The following ITPR1 variants were observed in gnomAD, a reference collection of about 807,000 sequenced individuals.
ITPR1 encodes inositol 1,4,5-trisphosphate receptor type 1, also known as inositol 1,4,5-trisphosphate-gated calcium channel ITPR1.
In ITPR1, 96 loss-of-function variants were observed where a neutral mutation model predicts 318.4. That is an observed-to-expected ratio of 0.30 (90% CI 0.26 to 0.36). The LOEUF (loss-of-function observed/expected upper bound fraction) is 0.36, where lower values mean the gene tolerates loss of function less well. ITPR1 is among the 10% of genes least tolerant of loss of function. ITPR1 has a pLI of 1.00. For missense variants in ITPR1, 2,440 were observed against 3,460.2 expected, an observed-to-expected ratio of 0.71 and a Z score of 7.40; for synonymous variants, 1,312 against 1,289.9, an observed-to-expected ratio of 1.02 and a Z score of -0.37.
At chr3:4,498,665 G>T (rs1323903037) in intron 2 of ITPR1, among the ~76,000 whole-genome samples, 1 of 152,200 alleles carries the variant, frequency 6.6e-6, no homozygotes, top group Non-Finnish European at 1.5e-5. Context: ...CAGATTTCTG[G>T]ACTGTCTGGT....
At chr3:4,630,742 C>T (rs1032115738) in intron 5 of ITPR1, among the ~76,000 whole-genome samples, 16 of 152,010 alleles carry the variant, frequency 1.1e-4, no homozygotes, top group South Asian at 8.3e-4. Flanking sequence ...TGCACCACCA[C>T]GCCCTACTAA....
At chr3:4,662,005 C>A in intron 14 of ITPR1, 77 bp from the exon 15 acceptor site, 1 of 1,293,714 alleles carries the variant, frequency 7.7e-7, no homozygotes, top group Non-Finnish European at 1.1e-6. Flanking sequence ...GCCAGTGTCT[C>A]GTAAATGTAG....
At chr3:4,737,941 T>A (rs532055114) in intron 44 of ITPR1, among the ~76,000 whole-genome samples, 3 of 152,326 alleles carry the variant, frequency 2.0e-5, no homozygotes, top group South Asian at 4.1e-4. Context: ...ACCATTATCC[T>A]TAGCAAAATA....
Position 4,564,236 on chromosome 3 carries a change from C to T in ITPR1, c.163+43142C>T, listed in dbSNP as rs536201413. On this transcript the variant is annotated intron_variant, in intron 4 of 61. Coordinates refer to ENST00000649015, the MANE Select transcript of ITPR1 (RefSeq NM_001378452.1). ...GATTACAGGCGTGAGCCACCGCACC[C>T]GGCCGGGATTGGTTCCTTCTGAAGG... Among the ~76,000 whole-genome samples, 12 of 152,268 alleles carry T rather than the reference C, an allele frequency of 7.9e-5. 1 individual carries two copies. In the East Asian group the frequency reaches 1.4e-3, roughly 17 times the overall value.
Position 4,702,909 on chromosome 3 carries a change from A to G in ITPR1, c.4616A>G (p.Lys1539Arg). 3 of 1,614,014 alleles carry G rather than the reference A, an allele frequency of 1.9e-6. No homozygotes were observed. In the South Asian group the frequency reaches 3.3e-5, roughly 18 times the overall value. The change falls in exon 36 of 62, where the codon AAA (lysine) becomes AGA (arginine). Residue 1539 changes from lysine to arginine, a missense_variant. Physicochemically the swap from Lys to Arg is conservative, Grantham distance 26. This residue lies in a region of ITPR1 where 166 missense variants were observed against 246.5 expected (regional missense o/e 0.67). Coordinates refer to ENST00000649015, the MANE Select transcript of ITPR1 (RefSeq NM_001378452.1). ...TGCAACTGGTTAATGCCAAGCCAAA[A>G]AGCCTCCGTGGAGAGCTGTATTCGG... The part of the protein sequence containing the change: ...YHCNWLMPSQ[K>R]ASVESCIRVL...
intron 4 of ITPR1, among the ~76,000 whole-genome samples, chr3:4,557,782 G>A (rs1013326604): frequency 6.6e-6 from 1 of 151,944 alleles, no homozygotes; most frequent in Non-Finnish European, 1.5e-5. Flanking sequence ...AAGCCAGATG[G>A]GGGTAGGGGT....
chr3:4,700,603 G>A (rs781211994), intron 35 of ITPR1, among the ~76,000 whole-genome samples: 4 of 152,164 alleles, frequency 2.6e-5, no homozygotes, highest in East Asian at 1.9e-4. Flanking sequence ...GGCAGGATGC[G>A]ATTTGGGACC....
At chr3:4,587,570 C>T (rs2090033000) in intron 4 of ITPR1, among the ~76,000 whole-genome samples, 1 of 152,144 alleles carries the variant, frequency 6.6e-6, no homozygotes, top group African/African-American at 2.4e-5. Context: ...CCTGCCCGGC[C>T]CACACTTCTC....
At chr3:4,765,232 A>T (rs1421791475) in intron 44 of ITPR1, among the ~76,000 whole-genome samples, 1 of 151,950 alleles carries the variant, frequency 6.6e-6, no homozygotes, top group South Asian at 2.1e-4. Flanking sequence ...CAGTGGCTGG[A>T]GGGAAAACGA....
rs73003089 is a variant in ITPR1, at chr3:4,784,146, C to T, written c.6615+226C>T. On this transcript the variant is annotated intron_variant, in intron 51 of 61. Transcript: ENST00000649015. Reference sequence around the variant, plus strand: ...ACACTGAGCAACCTCTCATTCCTCACGAATTCACGAGGACAGGTGGGAGGC... The same window carrying T: ...ACACTGAGCAACCTCTCATTCCTCATGAATTCACGAGGACAGGTGGGAGGC... Among the ~76,000 whole-genome samples the T allele has an allele frequency of 0.086, 13,075 of 152,070 alleles. 672 individuals are homozygous for T. Among genetic ancestry groups the T allele is most frequent in the Non-Finnish European group, 0.13 (8,807 of 67,990 alleles).
chr3:4,567,592 C>T (rs964560243), intron 4 of ITPR1, among the ~76,000 whole-genome samples: 4 of 140,244 alleles, frequency 2.9e-5, no homozygotes, highest in East Asian at 2.1e-4. Context: ...GGGGAGGTGA[C>T]GCTTGAGCTA....
intron 18 of ITPR1, 138 bp downstream of exon 18, chr3:4,667,687 G>A: frequency 2.8e-6 from 2 of 721,156 alleles, no homozygotes; most frequent in Non-Finnish European, 4.3e-6. Flanking sequence ...GCTTTTTGAT[G>A]AGTAGTGGCA....
At chr3:4,677,786 G>A (rs2094213974) in intron 24 of ITPR1, among the ~76,000 whole-genome samples, 1 of 152,062 alleles carries the variant, frequency 6.6e-6, no homozygotes, top group Non-Finnish European at 1.5e-5. Context: ...CATGTATACA[G>A]GGAGAGTTTG....
intron 46 of ITPR1, among the ~76,000 whole-genome samples, chr3:4,769,489 G>T (rs1486402695): frequency 6.6e-6 from 1 of 152,228 alleles, no homozygotes; most frequent in Non-Finnish European, 1.5e-5. Context: ...ATATTTGTTG[G>T]TTGAATGAAG....
chr3:4,501,078 C>G (rs2080987842), intron 2 of ITPR1, among the ~76,000 whole-genome samples: 1 of 151,776 alleles, frequency 6.6e-6, no homozygotes, highest in Non-Finnish European at 1.5e-5. Flanking sequence ...TCCAGGTTGG[C>G]CTTGAACTTC....
chr3:4,759,649 T>C (rs772909484), intron 44 of ITPR1, among the ~76,000 whole-genome samples: 30 of 152,264 alleles, frequency 2.0e-4, no homozygotes, highest in Non-Finnish European at 2.9e-5. Context: ...CTCTTTGCTC[T>C]GCTTCATATG....
chr3:4,805,601 ATTG>A (rs371659887), intron 54 of ITPR1, among the ~76,000 whole-genome samples: 163 of 152,228 alleles, frequency 1.1e-3, no homozygotes, highest in Non-Finnish European at 1.9e-3. Flanking sequence ...CCCCAAGAAA[ATTG>A]TTGTTTTCCC....
Position 4,567,749 on chromosome 3 carries a change from G to C in ITPR1, c.163+46655G>C, listed in dbSNP as rs147314904. On this transcript the variant is annotated intron_variant, in intron 4 of 61. Transcript: ENST00000649015. ...CACGAGTAGCTGGGACTACAGGCAT[G>C]CGTCACCACACCCAGCTAATTTTTT... Among the ~76,000 whole-genome samples the C allele has an allele frequency of 5.2e-3, 796 of 152,158 alleles. 4 individuals carry two copies. The highest frequency in any genetic ancestry group is 0.018 in the African/African-American group (745 of 41,526).
At chr3:4,627,709 C>A in intron 4 of ITPR1, 54 bp from the exon 5 acceptor site, 1 of 1,022,004 alleles carries the variant, frequency 9.8e-7, no homozygotes, top group Non-Finnish European at 1.5e-6. Flanking sequence ...TTTCCTTAGG[C>A]TGAGTCTCTA....
Sources: allele counts gnomAD v4.1 joint callset (sites outside exome capture counted in the v4.1 genomes callset), GRCh38; gene constraint gnomAD v4.1.1; regional missense constraint gnomAD v4.1.1; transcripts MANE v1.5; gene names NCBI Gene and HGNC (gene_info 2026-07-23, HGNC 2026-07-21).